The following STAG1 variants were observed in gnomAD, a reference collection of about 807,000 sequenced individuals.
STAG1 encodes the protein STAG1 cohesin complex component.
STAG1 carries 26 observed loss-of-function variants against 170.9 expected under a neutral mutation model. That is an observed-to-expected ratio of 0.15 (90% confidence interval 0.11 to 0.21). The LOEUF (loss-of-function observed/expected upper bound fraction) is 0.21, where lower values mean the gene tolerates loss of function less well. Among genes scored for constraint, STAG1 ranks in the 10% least tolerant of loss-of-function variants. The pLI, the probability that STAG1 is intolerant of heterozygous loss-of-function variation, is 1.00. For missense variants in STAG1, 964 were observed against 1,509.5 expected (o/e 0.64, Z 5.99); for synonymous variants, 514 against 497.7 (o/e 1.03, Z -0.44).
chr3:136,360,029 C>A (rs531021112), intron 26 of STAG1, among the ~76,000 whole-genome samples: 3 of 152,082 alleles, frequency 2.0e-5, no homozygotes, highest in Admixed American at 2.0e-4. Flanking sequence ...CACCCAGTAA[C>A]AAAATATACC....
At chr3:136,633,265 G>A (rs969797822) in intron 1 of STAG1, among the ~76,000 whole-genome samples, 1 of 151,476 alleles carries the variant, frequency 6.6e-6, no homozygotes. Flanking sequence ...AAGGCAGTAG[G>A]ATGACATAAC....
chr3:136,683,027 T>C (rs1173752063), intron 1 of STAG1, among the ~76,000 whole-genome samples: 2 of 152,142 alleles, frequency 1.3e-5, no homozygotes, highest in African/African-American at 4.8e-5. Context: ...TATACAAATA[T>C]TATATGGTTC....
intron 13 of STAG1, among the ~76,000 whole-genome samples, chr3:136,458,923 A>G (rs1253682893): frequency 6.6e-6 from 1 of 152,172 alleles, no homozygotes. Flanking sequence ...AGAATGATTA[A>G]AAAAAGACAA....
chr3:136,676,711 A>G (rs1247605494), intron 1 of STAG1, among the ~76,000 whole-genome samples: 2 of 152,008 alleles, frequency 1.3e-5, no homozygotes, highest in Admixed American at 6.6e-5. Flanking sequence ...AAGCCTCCCA[A>G]AGGGCTGGGA....
At chr3:136,462,839 T>C (rs1387088652) in intron 13 of STAG1, among the ~76,000 whole-genome samples, 3 of 152,158 alleles carry the variant, frequency 2.0e-5, no homozygotes, top group Non-Finnish European at 2.9e-5. Flanking sequence ...ATTTCAAACA[T>C]AGAAAAATAT....
intron 22 of STAG1, among the ~76,000 whole-genome samples, chr3:136,396,777 C>T (rs987911457): frequency 3.3e-5 from 5 of 151,832 alleles, no homozygotes; most frequent in African/African-American, 9.7e-5. Flanking sequence ...CTGCCCGCCT[C>T]GGCCTCCCAA....
At chr3:136,406,325 T>C (rs1185390166) in intron 21 of STAG1, among the ~76,000 whole-genome samples, 1 of 152,204 alleles carries the variant, frequency 6.6e-6, no homozygotes, top group Non-Finnish European at 1.5e-5. Context: ...TATGATTTCA[T>C]TTATTTGGAA....
intron 1 of STAG1, among the ~76,000 whole-genome samples, chr3:136,750,034 C>G (rs921375854): frequency 2.3e-4 from 35 of 151,992 alleles, no homozygotes; most frequent in African/African-American, 8.5e-4. Context: ...CTTCTCACAG[C>G]ACTGAGATTA....
chr3:136,687,719 G>T (rs1576765226), intron 1 of STAG1, among the ~76,000 whole-genome samples: 1 of 151,550 alleles, frequency 6.6e-6, no homozygotes, highest in Non-Finnish European at 1.5e-5. Flanking sequence ...AAAAATGAAG[G>T]TATCTAAGAA....
At chr3:136,523,772 T>C (rs2107911540) in intron 6 of STAG1, among the ~76,000 whole-genome samples, 1 of 152,344 alleles carries the variant, frequency 6.6e-6, no homozygotes, top group African/African-American at 2.4e-5. Flanking sequence ...AATTTTTGTA[T>C]AAAGTATAAG....
At position 136,554,817 on chromosome 3, in the gene STAG1, C is replaced by T. The variant is rs142808483; in HGVS notation, c.395-12622G>A. 3.8e-3 allele frequency among the ~76,000 whole-genome samples: 574 copies of T among 152,158 alleles called. 3 individuals carry two copies. The highest frequency in any genetic ancestry group is 0.013 in the African/African-American group (543 of 41,520). ...AGCTGAGGTGGGAGGATCATTTCTG[C>T]CCAGGAGTTCAGGCTGCAGTATGCT... On this transcript the variant is annotated intron_variant, in intron 5 of 33. Coordinates refer to ENST00000383202, the MANE Select transcript of STAG1 (RefSeq NM_005862.3).
rs1291559032 is a variant in STAG1, at chr3:136,440,484, G to C, written c.1546+2803C>G. ...CCTTCTCCTTGGAAATAACCTTATG[G>C]AACATGGGGTGATATACAGAAAATG... On this transcript the variant is annotated intron_variant, in intron 15 of 33. Coordinates refer to ENST00000383202, the MANE Select transcript of STAG1 (RefSeq NM_005862.3). Among the ~76,000 whole-genome samples, 3 of 151,570 alleles carry C rather than the reference G, an allele frequency of 2.0e-5. No homozygotes were observed. The East Asian group carries it at 5.8e-4, about 29-fold the overall frequency.
chr3:136,728,465 A>G (rs1347721318), intron 1 of STAG1, among the ~76,000 whole-genome samples: 1 of 152,170 alleles, frequency 6.6e-6, no homozygotes, highest in Non-Finnish European at 1.5e-5. Flanking sequence ...TACCTATATA[A>G]CCTTTGGAAA....
rs1394113908 is a variant in STAG1, at chr3:136,417,917, T to C, written c.2164A>G (p.Thr722Ala). The C allele has an allele frequency of 1.3e-5, 21 of 1,614,030 alleles. No individual in the cohort carries two copies. The highest frequency in any genetic ancestry group is 1.6e-5 in the Non-Finnish European group (19 of 1,179,912). ...LFGNCYRLLKTGIEHGAMPEQ... is the reference protein window; with the variant it reads ...LFGNCYRLLKAGIEHGAMPEQ... ...GGCATGGCTCCATGTTCAATTCCAG[T>C]CTTCAATAATCTGTAGCAATTACCA... The change falls in exon 21 of 34, where the codon ACT becomes GCT. Residue 722 changes from threonine (T) to alanine (A), a missense_variant. This residue lies in a region of STAG1 where 232 missense variants were observed against 313.0 expected (regional missense o/e 0.74). Coordinates refer to ENST00000383202, the MANE Select transcript of STAG1 (RefSeq NM_005862.3).
At chr3:136,465,870 C>G (rs1376385110) in intron 12 of STAG1, among the ~76,000 whole-genome samples, 1 of 152,050 alleles carries the variant, frequency 6.6e-6, no homozygotes, top group Non-Finnish European at 1.5e-5. Context: ...CCCTATAAGA[C>G]CTAATGGTAT....
chr3:136,700,887 T>C (rs1308917045), intron 1 of STAG1, among the ~76,000 whole-genome samples: 1 of 137,674 alleles, frequency 7.3e-6, no homozygotes, highest in African/African-American at 2.7e-5. Context: ...TTTTTTTTTT[T>C]TTTTTTTTTT....
intron 5 of STAG1, among the ~76,000 whole-genome samples, chr3:136,566,644 GA>G (rs374591735): frequency 1.1e-4 from 17 of 151,500 alleles, no homozygotes; most frequent in African/African-American, 3.6e-4. Context: ...AAAAGGCTAA[GA>G]AAAAAAAGAC....
intron 5 of STAG1, among the ~76,000 whole-genome samples, chr3:136,562,624 G>C (rs943059262): frequency 2.0e-5 from 3 of 151,984 alleles, no homozygotes; most frequent in Non-Finnish European, 4.4e-5. Flanking sequence ...TTTTGCTCCT[G>C]TTGCCCAGGC....
intron 1 of STAG1, among the ~76,000 whole-genome samples, chr3:136,717,393 G>A (rs900880232): frequency 3.3e-5 from 5 of 152,178 alleles, no homozygotes; most frequent in African/African-American, 1.2e-4. Flanking sequence ...GTCGGGTGTG[G>A]TGGCTCATGC....
Sources: allele counts gnomAD v4.1 joint callset (sites outside exome capture counted in the v4.1 genomes callset), GRCh38; gene constraint gnomAD v4.1.1; regional missense constraint gnomAD v4.1.1; transcripts MANE v1.5; gene names NCBI Gene and HGNC (gene_info 2026-07-23, HGNC 2026-07-21).